Variants in PLAC8 observed in about 807,000 individuals in gnomAD.
PLAC8 encodes the protein placenta associated 8, also known as placenta-specific gene 8 protein.
PLAC8 carries 6 observed loss-of-function variants against 12.6 expected under a neutral mutation model. The ratio of observed to expected loss-of-function variants is 0.48; its 90% confidence interval spans 0.26 to 0.94. The LOEUF is 0.94. Among genes scored for constraint, PLAC8 ranks in the 40% least tolerant of loss-of-function variants. The pLI, the probability that PLAC8 is intolerant of heterozygous loss-of-function variation, is 0.14. For missense variants in PLAC8, 122 were observed against 152.7 expected (o/e 0.80, Z 1.06); for synonymous variants, 54 against 52.6 (o/e 1.03, Z -0.11).
intron 3 of PLAC8, among the ~76,000 whole-genome samples, chr4:83,104,323 G>T (rs1345066886): frequency 6.6e-6 from 1 of 151,752 alleles, no homozygotes; most frequent in Non-Finnish European, 1.5e-5. Context: ...TCTGAGGTTT[G>T]CCTGTATATA....
chr4:83,111,537 T>A (rs934939450), intron 1 of PLAC8, among the ~76,000 whole-genome samples: 1 of 152,114 alleles, frequency 6.6e-6, no homozygotes, highest in Non-Finnish European at 1.5e-5. Context: ...ATACTATAGC[T>A]GTTTGTATTT....
intron 1 of PLAC8, among the ~76,000 whole-genome samples, 185 bp from the exon 2 acceptor site, chr4:83,108,135 T>G (rs1182850017): frequency 6.7e-6 from 1 of 149,282 alleles, no homozygotes; most frequent in Non-Finnish European, 1.5e-5. Context: ...TAAAGTATAA[T>G]AAAATATATA....
intron 2 of PLAC8, 101 bp from the exon 3 acceptor site, chr4:83,105,121 T>A: frequency 1.5e-6 from 2 of 1,370,038 alleles, no homozygotes; most frequent in Non-Finnish European, 2.1e-6. Flanking sequence ...TCATGGGGCC[T>A]TGGCCGCAAA....
intron 3 of PLAC8, among the ~76,000 whole-genome samples, chr4:83,100,119 A>C (rs1732056067): frequency 6.6e-6 from 1 of 151,660 alleles, no homozygotes; most frequent in East Asian, 1.9e-4. Context: ...GTCTCTACTA[A>C]AAATACAAAA....
intron 2 of PLAC8, among the ~76,000 whole-genome samples, chr4:83,107,206 C>CAAAAAAAAAAAAAA (rs70946971): frequency 1.0e-5 from 1 of 100,216 alleles, no homozygotes; most frequent in African/African-American, 4.1e-5. Flanking sequence ...GTCTCAAAAA[C>CAAAAAAAAAAAAAA]AAACAAAAAA....
At position 83,107,885 on chromosome 4, in the gene PLAC8, G is replaced by A; in HGVS notation, c.37C>T (p.Pro13Ser). ...AQAPVVVVTQ[P>S]GVGPGPAPQN... ...GGGGCCGGACCGGGACCGACTCCAGGTTGGGTCACAACGACCACCGGCGCC... is the reference window on the plus strand; with the variant it reads ...GGGGCCGGACCGGGACCGACTCCAGATTGGGTCACAACGACCACCGGCGCC... The change falls in exon 2 of 5, where the codon CCT becomes TCT. Residue 13 changes from proline to serine, a missense_variant. Physicochemically the swap from Pro to Ser is moderately conservative, Grantham distance 74. Transcript: ENST00000311507. The A allele has an allele frequency of 6.3e-7, 1 of 1,585,812 alleles. No individual in the cohort carries two copies. The highest frequency in any genetic ancestry group is 8.6e-7 in the Non-Finnish European group (1 of 1,163,682).
intron 1 of PLAC8, among the ~76,000 whole-genome samples, chr4:83,110,137 C>G (rs577452365): frequency 3.1e-4 from 47 of 152,294 alleles, no homozygotes; most frequent in African/African-American, 1.1e-3. Context: ...CTCTGTCGCT[C>G]CGGGCGCCCA....
intron 3 of PLAC8, among the ~76,000 whole-genome samples, chr4:83,095,190 G>A (rs1423948188): frequency 6.6e-6 from 1 of 152,198 alleles, no homozygotes; most frequent in African/African-American, 2.4e-5. Flanking sequence ...CAGGAGAGAA[G>A]CTAATGGAAT....
chr4:83,110,959 A>G (rs866080237), intron 1 of PLAC8, among the ~76,000 whole-genome samples: 1 of 152,180 alleles, frequency 6.6e-6, no homozygotes. Flanking sequence ...ATTGGCTGAT[A>G]GACTTTTTGT....
At position 83,095,688 on chromosome 4, in the gene PLAC8, A is replaced by G. The variant is rs1017251198; in HGVS notation, c.244-897T>C. On this transcript the variant is annotated intron_variant, in intron 3 of 4. Transcript: ENST00000311507. ...AGATAATGCCTCTAACTAAAAGTCAAGAAGTAGCAATACAAGTGTGTGATT... is the reference window on the plus strand; with the variant it reads ...AGATAATGCCTCTAACTAAAAGTCAGGAAGTAGCAATACAAGTGTGTGATT... Among the ~76,000 whole-genome samples the G allele has an allele frequency of 2.6e-5, 4 of 152,354 alleles. No individual in the cohort carries two copies. The South Asian group carries it at 6.2e-4, about 24-fold the overall frequency.
intron 1 of PLAC8, among the ~76,000 whole-genome samples, chr4:83,109,996 G>T (rs898530433): frequency 6.6e-6 from 1 of 152,126 alleles, no homozygotes; most frequent in Non-Finnish European, 1.5e-5. Flanking sequence ...ATTCGCCGGG[G>T]CGGCGCGCCG....
chr4:83,112,626 G>A (rs962136558), intron 1 of PLAC8, among the ~76,000 whole-genome samples: 5 of 152,118 alleles, frequency 3.3e-5, no homozygotes, highest in Admixed American at 1.3e-4. Context: ...TCTAAAAAGG[G>A]TCTAATAACT....
chr4:83,101,998 C>T (rs1315830059), intron 3 of PLAC8, among the ~76,000 whole-genome samples: 1 of 152,132 alleles, frequency 6.6e-6, no homozygotes, highest in Non-Finnish European at 1.5e-5. Flanking sequence ...TGTACCTAGA[C>T]ATCCAAGAAC....
chr4:83,096,176 G>C (rs1156392077), intron 3 of PLAC8, among the ~76,000 whole-genome samples: 1 of 152,198 alleles, frequency 6.6e-6, no homozygotes, highest in Non-Finnish European at 1.5e-5. Flanking sequence ...TCCCAAAGTT[G>C]GTTCAGCCTA....
intron 1 of PLAC8, among the ~76,000 whole-genome samples, chr4:83,109,511 C>T (rs1578745737): frequency 6.6e-6 from 1 of 152,288 alleles, no homozygotes; most frequent in East Asian, 1.9e-4. Context: ...GTGCATGAGC[C>T]GCGGATGTGT....
chr4:83,104,977 A>C lies in PLAC8; in HGVS notation c.162T>G (p.Val54=). The C allele has an allele frequency of 1.2e-6, 2 of 1,614,174 alleles. No homozygotes were observed. The highest frequency in any genetic ancestry group is 1.7e-6 in the Non-Finnish European group (2 of 1,180,026). The part of the protein sequence containing the change: ...TFCFPCLGCQ[V]AADMNECCLC... Reference sequence around the variant, plus strand: ...GACAGCATTCATTCATATCAGCTGCAACTTGACACCCAAGGCACGGGAAAC... The same window carrying C: ...GACAGCATTCATTCATATCAGCTGCCACTTGACACCCAAGGCACGGGAAAC... The change falls in exon 3 of 5, where the codon GTT becomes GTG. Residue 54 remains valine, a synonymous_variant. Transcript: ENST00000311507.
chr4:83,111,013 G>T (rs921407316), intron 1 of PLAC8, among the ~76,000 whole-genome samples: 1 of 152,156 alleles, frequency 6.6e-6, no homozygotes, highest in Non-Finnish European at 1.5e-5. Context: ...CCAGGCAGGA[G>T]TGCAATGAAT....
At chr4:83,103,916 C>T (rs1231914767) in intron 3 of PLAC8, among the ~76,000 whole-genome samples, 1 of 152,192 alleles carries the variant, frequency 6.6e-6, no homozygotes, top group African/African-American at 2.4e-5. Flanking sequence ...GATCAGCCCT[C>T]CTGGGCCTCC....
rs1397714310 is a variant in PLAC8 at position 83,112,192 on chromosome 4, ATATATATATATGTATATATATATATG to A, written c.-30+2448_-30+2473del. On this transcript the variant is annotated intron_variant, in intron 1 of 4. Coordinates refer to ENST00000311507, the MANE Select transcript of PLAC8 (RefSeq NM_016619.3). ...CCGTCTCAAAAAAAAAAAAATTTATATATATATATATGTATATATATATATGTATATATATATATATATATGTATCA... is the reference window on the plus strand; with the variant it reads ...CCGTCTCAAAAAAAAAAAAATTTATATATATATATATATATATATGTATCA... Among the ~76,000 whole-genome samples, 21 of 43,958 alleles carry A rather than the reference ATATATATATATGTATATATATATATG, an allele frequency of 4.8e-4. 1 individual carries two copies. Among genetic ancestry groups the A allele is most frequent in the African/African-American group, 2.0e-3 (21 of 10,634 alleles). 28.8% of individuals were successfully genotyped at this position (43,958 alleles called of 152,430 possible).
Sources: gnomAD v4.1 joint callset for allele counts (sites outside exome capture counted in the v4.1 genomes callset) on GRCh38, gnomAD v4.1.1 for gene constraint, MANE v1.5 for transcripts, NCBI Gene and HGNC (gene_info 2026-07-23, HGNC 2026-07-21) for gene names.